The following XPO6 variants were observed in gnomAD, a reference collection of about 807,000 sequenced individuals.
XPO6 encodes the protein exportin 6, also known as exportin-6.
In XPO6, 3 loss-of-function variants were observed where a neutral mutation model predicts 130.0. The observed-to-expected ratio is 0.02, with a 90% CI of 0.01 to 0.06. XPO6 has a LOEUF of 0.06. XPO6 is among the 10% of genes least tolerant of loss of function. The pLI is 1.00. For missense variants in XPO6, 970 were observed against 1,393.0 expected (o/e 0.70, Z 4.83); for synonymous variants, 524 against 548.9 (o/e 0.95, Z 0.63).
intron 12 of XPO6, 112 bp from the exon 13 acceptor site, chr16:28,125,960 C>T (rs770284874): frequency 2.0e-5 from 28 of 1,422,606 alleles, no homozygotes; most frequent in Non-Finnish European, 2.4e-5. Flanking sequence ...AAAACCAATT[C>T]GCGAAACAAA....
rs184486202 is a variant in XPO6, at chr16:28,176,182, A to G, written c.208-87T>C. ...TCCCACAGGTAGCTATTATCACTTC[A>G]ATAAACAAGAATCCCTCTTTAAATA... On this transcript the variant is annotated intron_variant, in intron 3 of 23. Transcript: ENST00000304658. 4,398 of 1,164,530 alleles carry G rather than the reference A, an allele frequency of 3.8e-3. 18 individuals carry two copies. The highest frequency in any genetic ancestry group is 8.8e-3 in the Admixed American group (404 of 45,768). 72.1% of individuals were successfully genotyped at this position (1,164,530 alleles called of 1,614,324 possible).
In XPO6 at chr16:28,106,146, T is replaced by C; in HGVS notation, c.2681A>G (p.Lys894Arg). 6.2e-7 allele frequency: 1 copy of C among 1,614,174 alleles called. No homozygotes were observed. Among genetic ancestry groups the C allele is most frequent in the Non-Finnish European group, 8.5e-7 (1 of 1,180,026 alleles). Reference sequence around the variant, plus strand: ...CTCCTGGACCACCACCTGCAGGATCTTCAGAAACTTCTCCACCACCCGGCA... The same window carrying C: ...CTCCTGGACCACCACCTGCAGGATCCTCAGAAACTTCTCCACCACCCGGCA... ...TGCRVVEKFL[K>R]ILQVVVQEPG... The change falls in exon 20 of 24, where the codon AAG becomes AGG. Residue 894 changes from lysine (K) to arginine (R), a missense_variant. Physicochemically the swap from Lys to Arg is conservative, Grantham distance 26. This residue lies in a region of XPO6 where 936 missense variants were observed against 1,306.8 expected (regional missense o/e 0.72). Transcript: ENST00000304658. This position sits in a 1 kb window ranked among gnomAD's most constrained non-coding sequence, Gnocchi z 4.2.
intron 1 of XPO6, among the ~76,000 whole-genome samples, chr16:28,206,263 T>C (rs1015730983): frequency 3.3e-5 from 5 of 151,924 alleles, no homozygotes; most frequent in Non-Finnish European, 5.9e-5. Context: ...TTATTTGGCC[T>C]GGTGTGGTGG....
At chr16:28,129,105 A>C (rs1372631181) in intron 12 of XPO6, among the ~76,000 whole-genome samples, 2 of 152,174 alleles carry the variant, frequency 1.3e-5, no homozygotes, top group Non-Finnish European at 2.9e-5. Context: ...ATCACTTCTG[A>C]CCCAACAAAA....
At position 28,104,482 on chromosome 16, in the gene XPO6, CA is replaced by C. The variant is rs1716507654; in HGVS notation, c.2946+63del. ...ACCCGAGACTGTGGGGCTTCGAAGA[CA>C]GGACTCGCTGCAGTGGTCAGGTTAG... On this transcript the variant is annotated intron_variant, in intron 21 of 23. Coordinates refer to ENST00000304658, the MANE Select transcript of XPO6 (RefSeq NM_015171.4). The C allele has an allele frequency of 1.8e-5, 28 of 1,578,262 alleles. 1 individual carries two copies. The South Asian group carries it at 3.2e-4, about 18-fold the overall frequency.
At chr16:28,202,652 C>G (rs150655211) in intron 1 of XPO6, among the ~76,000 whole-genome samples, 3 of 152,170 alleles carry the variant, frequency 2.0e-5, no homozygotes, top group African/African-American at 4.8e-5. Flanking sequence ...CAGGGCAAGA[C>G]AGAGGAGGCA....
rs11284457 is a variant in XPO6 at position 28,154,255 on chromosome 16, T to TAAAA, written c.1098-1474_1098-1471dup. The TAAAA allele has an allele frequency of 1.4e-3, 1,117 of 810,644 alleles. 5 individuals carry two copies. In the South Asian group the frequency reaches 0.025, roughly 18 times the overall value. The allele number at this position is 810,644 out of a possible 1,614,324, so 50.2% of individuals were successfully genotyped here. The stretch of plus-strand genomic sequence containing the variant: ...TGCACTCAATTCCCTACTACCCATT[T>TAAAA]AAAAAAAAAAAAAAAAAAAAAAAAG... On this transcript the variant is annotated intron_variant, in intron 7 of 23. Transcript: ENST00000304658.
intron 1 of XPO6, among the ~76,000 whole-genome samples, chr16:28,200,112 G>A (rs1383166118): frequency 1.3e-5 from 2 of 150,734 alleles, no homozygotes; most frequent in South Asian, 2.1e-4. Flanking sequence ...CCAAGATCAC[G>A]CCACTACACC....
chr16:28,103,816 T>C (rs934667980), intron 21 of XPO6, among the ~76,000 whole-genome samples: 3 of 152,214 alleles, frequency 2.0e-5, no homozygotes, highest in Non-Finnish European at 4.4e-5. Flanking sequence ...CGTGCATGCC[T>C]GTGTGCATGC....
chr16:28,128,552 A>C (rs1455358681), intron 12 of XPO6, among the ~76,000 whole-genome samples: 1 of 152,210 alleles, frequency 6.6e-6, no homozygotes, highest in Non-Finnish European at 1.5e-5. Context: ...CAAGGGGAAC[A>C]CTGTATTTGT....
intron 14 of XPO6, among the ~76,000 whole-genome samples, chr16:28,117,709 C>T (rs1162479812): frequency 6.6e-6 from 1 of 152,234 alleles, no homozygotes; most frequent in Non-Finnish European, 1.5e-5. Flanking sequence ...CTTATTCAAT[C>T]TTTCTGTGAC....
chr16:28,197,258 A>T (rs1596967853), intron 1 of XPO6, among the ~76,000 whole-genome samples: 1 of 152,150 alleles, frequency 6.6e-6, no homozygotes, highest in Non-Finnish European at 1.5e-5. Context: ...ACTCAAAAAA[A>T]AATAATGTGT....
chr16:28,179,873 T>C (rs909149276), intron 2 of XPO6, among the ~76,000 whole-genome samples: 2 of 152,176 alleles, frequency 1.3e-5, no homozygotes, highest in African/African-American at 4.8e-5. Context: ...GCACTCAAAT[T>C]TGGCATCTGG....
intron 9 of XPO6, among the ~76,000 whole-genome samples, chr16:28,142,558 T>TTTG (rs1055610379): frequency 7.9e-5 from 12 of 151,920 alleles, no homozygotes; most frequent in South Asian, 2.1e-4. Context: ...TGGAGGGGTT[T>TTTG]TTGTTGTTGT....
intron 8 of XPO6, among the ~76,000 whole-genome samples, chr16:28,150,408 A>G (rs144859610): frequency 7.9e-5 from 12 of 152,170 alleles, no homozygotes; most frequent in African/African-American, 2.7e-4. Flanking sequence ...ATAGGAGTCT[A>G]CTGAAAGAAT....
chr16:28,121,753 T>C lies in XPO6; in HGVS notation c.1776A>G (p.Lys592=). ...TTATCTGAGATCCGTACAGAGTGAC[T>C]TTGACCAACCTGTTGGCAAAGAGGC... ...DALTVVERLV[K]VTLYGSQIKL... The change falls in exon 14 of 24, where the codon AAA becomes AAG. Residue 592 remains lysine, a synonymous_variant. Coordinates refer to ENST00000304658, the MANE Select transcript of XPO6 (RefSeq NM_015171.4). The C allele has an allele frequency of 6.2e-7, 1 of 1,612,964 alleles. No individual in the cohort carries two copies. Among genetic ancestry groups the C allele is most frequent in the Non-Finnish European group, 8.5e-7 (1 of 1,178,986 alleles).
intron 10 of XPO6, 130 bp downstream of exon 10, chr16:28,135,086 G>A (rs922926270): frequency 2.0e-5 from 13 of 639,756 alleles, no homozygotes; most frequent in African/African-American, 3.7e-5. Context: ...TCAAATGTAC[G>A]ACTCAAACCA....
chr16:28,175,800 C>T, intron 4 of XPO6, 98 bp downstream of exon 4: 1 of 1,091,688 alleles, frequency 9.2e-7, no homozygotes. Flanking sequence ...ACTGCAGTTC[C>T]AAACTGCTAA....
At chr16:28,100,888 C>T (rs1390616740) in intron 23 of XPO6, among the ~76,000 whole-genome samples, 1 of 152,128 alleles carries the variant, frequency 6.6e-6, no homozygotes, top group African/African-American at 2.4e-5. Flanking sequence ...GGACAGCCCA[C>T]CTGACAGTCC....
Sources: allele counts gnomAD v4.1 joint callset (sites outside exome capture counted in the v4.1 genomes callset), GRCh38; gene constraint gnomAD v4.1.1; regional missense constraint gnomAD v4.1.1; non-coding constraint Gnocchi (gnomAD v3.1); transcripts MANE v1.5; gene names NCBI Gene and HGNC (gene_info 2026-07-23, HGNC 2026-07-21).